The following ACKR2 variants were observed in gnomAD, a reference collection of about 807,000 sequenced individuals.
ACKR2 encodes atypical chemokine receptor 2, also known as C-C chemokine receptor D6.
For synonymous variants in ACKR2, 207 were observed against 192.2 expected (o/e 1.08, Z -0.64); for missense variants, 457 against 477.3 (o/e 0.96, Z 0.40).
intron 2 of ACKR2, among the ~76,000 whole-genome samples, chr3:42,834,982 T>C (rs527584945): frequency 1.1e-4 from 16 of 152,190 alleles, no homozygotes; most frequent in Non-Finnish European, 1.8e-4. Context: ...GCCTCCCAGG[T>C]TGAAGTGATC....
chr3:42,843,185 C>T (rs1701058346), intron 2 of ACKR2, among the ~76,000 whole-genome samples: 1 of 151,816 alleles, frequency 6.6e-6, no homozygotes, highest in Non-Finnish European at 1.5e-5. Context: ...AGCGATTCTC[C>T]TGCCTCCCGA....
rs183482916 is a variant in ACKR2 at position 42,812,047 on chromosome 3, G to T, written c.-119+2515G>T. 5.6e-4 allele frequency among the ~76,000 whole-genome samples: 86 copies of T among 152,246 alleles called. 1 individual carries two copies. The highest frequency in any genetic ancestry group is 4.5e-3 in the Admixed American group (69 of 15,286). ...GAACTCAGAGACCGGGGCCTGTGCA[G>T]GTCCTCCATATGCTGAGCGCCGGTC... is the stretch of plus-strand genomic sequence containing the variant. On this transcript the variant is annotated intron_variant, in intron 1 of 2. Transcript: ENST00000422265.
chr3:42,857,822 T>C (rs569309017), intron 2 of ACKR2, among the ~76,000 whole-genome samples: 1 of 152,354 alleles, frequency 6.6e-6, no homozygotes, highest in East Asian at 1.9e-4. Flanking sequence ...TGGACATTTA[T>C]GGATAAAACA....
At position 42,841,378 on chromosome 3, in the gene ACKR2, C is replaced by T. The variant is rs974007739; in HGVS notation, c.-38+21667C>T. Among the ~76,000 whole-genome samples, 4 of 152,120 alleles carry T rather than the reference C, an allele frequency of 2.6e-5. No individual in the cohort carries two copies. In the East Asian group the frequency reaches 7.7e-4, roughly 29 times the overall value. On this transcript the variant is annotated intron_variant, in intron 2 of 2. Transcript: ENST00000422265. ...CCAATGAAAGAAAATACTGAATTTCCATTAGAGGTTAGTGAAAATAAGGAT... is the reference window on the plus strand; with the variant it reads ...CCAATGAAAGAAAATACTGAATTTCTATTAGAGGTTAGTGAAAATAAGGAT...
At chr3:42,821,204 A>G (rs1423736966) in intron 2 of ACKR2, among the ~76,000 whole-genome samples, 1 of 152,200 alleles carries the variant, frequency 6.6e-6, no homozygotes, top group Non-Finnish European at 1.5e-5. Flanking sequence ...CAATAGTTTT[A>G]AAAGACCTGT....
At chr3:42,845,167 T>C (rs1286922266) in intron 2 of ACKR2, among the ~76,000 whole-genome samples, 1 of 152,214 alleles carries the variant, frequency 6.6e-6, no homozygotes, top group African/African-American at 2.4e-5. Flanking sequence ...CTCTAATGTT[T>C]AGACTGACCT....
At chr3:42,860,172 A>AG (rs2088368174) in intron 2 of ACKR2, among the ~76,000 whole-genome samples, 1 of 137,776 alleles carries the variant, frequency 7.3e-6, no homozygotes, top group Non-Finnish European at 1.6e-5. Flanking sequence ...AGCAAAAAAA[A>AG]AAAAAAAAAA....
intron 2 of ACKR2, among the ~76,000 whole-genome samples, chr3:42,832,096 T>C (rs1489257198): frequency 6.6e-6 from 1 of 152,196 alleles, no homozygotes; most frequent in African/African-American, 2.4e-5. Flanking sequence ...AAGATAGAGA[T>C]GACCCTCCCC....
chr3:42,818,809 G>A (rs965492055), intron 1 of ACKR2, among the ~76,000 whole-genome samples: 3 of 152,128 alleles, frequency 2.0e-5, no homozygotes, highest in Non-Finnish European at 2.9e-5. Context: ...TGATCTGCCC[G>A]GCTCGGCCTC....
At chr3:42,853,442 T>C (rs1467041854) in intron 2 of ACKR2, among the ~76,000 whole-genome samples, 1 of 152,138 alleles carries the variant, frequency 6.6e-6, no homozygotes, top group Non-Finnish European at 1.5e-5. Flanking sequence ...ATTATTGTTA[T>C]TTTTTTGAGA....
In ACKR2 at chr3:42,843,038, T is replaced by C. The variant is rs1456909110; in HGVS notation, c.-37-21428T>C. Among the ~76,000 whole-genome samples the C allele has an allele frequency of 7.4e-5, 3 of 40,512 alleles. No homozygotes were observed. The East Asian group carries it at 5.6e-3, about 76-fold the overall frequency. The allele number at this position is 40,512 out of a possible 152,430, so 26.6% of individuals were successfully genotyped here. On this transcript the variant is annotated intron_variant, in intron 2 of 2. Transcript: ENST00000422265. ...CAGTTAATGAGTCATGTCTAGCTAT[T>C]TATTTATTTATTTATTTATTTATTT...
chr3:42,840,082 CCT>C (rs1174580274), intron 2 of ACKR2, among the ~76,000 whole-genome samples: 1 of 151,676 alleles, frequency 6.6e-6, no homozygotes, highest in Non-Finnish European at 1.5e-5. Context: ...CATGGTGAAA[CCT>C]CGTCTCTACT....
At chr3:42,823,458 C>G (rs1349613890) in intron 2 of ACKR2, among the ~76,000 whole-genome samples, 1 of 152,218 alleles carries the variant, frequency 6.6e-6, no homozygotes, top group Non-Finnish European at 1.5e-5. Flanking sequence ...GTGTCTCTCT[C>G]CTGTGTAGCC....
intron 2 of ACKR2, among the ~76,000 whole-genome samples, chr3:42,834,921 G>C (rs1235979132): frequency 6.6e-6 from 1 of 150,424 alleles, no homozygotes; most frequent in Non-Finnish European, 1.5e-5. Flanking sequence ...TTCTCACTCT[G>C]CTACCCAGGC....
intron 2 of ACKR2, among the ~76,000 whole-genome samples, chr3:42,829,308 G>A (rs1700905177): frequency 6.6e-6 from 1 of 152,156 alleles, no homozygotes; most frequent in Non-Finnish European, 1.5e-5. Flanking sequence ...CTCACTAGAT[G>A]CAAATGAATT....
Position 42,864,986 on chromosome 3 carries a change from C to G in ACKR2, c.484C>G (p.Leu162Val). The change falls in exon 3 of 3, where the codon CTG (leucine) becomes GTG (valine). Residue 162 changes from leucine (L) to valine (V), a missense_variant. By Grantham distance (32) the Leu-to-Val change is conservative. Coordinates refer to ENST00000422265, the MANE Select transcript of ACKR2 (RefSeq NM_001296.5). ...CAGGCTGAGGACCCGGGCCAAGAGC[C>G]TGCTCCTTGCTACCATAGTATGGGC... ...YHRLRTRAKS[L>V]LLATIVWAVS... 6.2e-7 allele frequency: 1 copy of G among 1,614,198 alleles called. No individual in the cohort carries two copies. Among genetic ancestry groups the G allele is most frequent in the African/African-American group, 1.3e-5 (1 of 75,058 alleles).
In ACKR2 at chr3:42,828,712, T is replaced by C. The variant is rs571009286; in HGVS notation, c.-38+9001T>C. On this transcript the variant is annotated intron_variant, in intron 2 of 2. Transcript: ENST00000422265. The stretch of plus-strand genomic sequence containing the variant: ...CTGTCTAATTCAGGACAAAGACTGA[T>C]GATTTGGGGGGCTAATCAGGGGATT... Among the ~76,000 whole-genome samples the C allele has an allele frequency of 3.3e-5, 5 of 152,304 alleles. No homozygotes were observed. In the South Asian group the frequency reaches 1.0e-3, roughly 32 times the overall value.
intron 2 of ACKR2, among the ~76,000 whole-genome samples, chr3:42,823,733 A>C (rs746602071): frequency 1.3e-5 from 2 of 152,184 alleles, no homozygotes; most frequent in East Asian, 3.8e-4. Flanking sequence ...AAACCTATAC[A>C]TTTTTGCGGA....
At chr3:42,833,442 T>C (rs1582882) in intron 2 of ACKR2, among the ~76,000 whole-genome samples, 53,911 of 152,004 alleles carry the variant, frequency 0.35, 10,503 homozygotes, top group East Asian at 0.62. Flanking sequence ...TCTTTAGTGG[T>C]GATTTCTGAG....
Sources: gnomAD v4.1 joint callset for allele counts (sites outside exome capture counted in the v4.1 genomes callset) on GRCh38, gnomAD v4.1.1 for gene constraint, MANE v1.5 for transcripts, NCBI Gene and HGNC (gene_info 2026-07-23, HGNC 2026-07-21) for gene names.